LARP1B: variants seen among roughly 807,000 people sequenced by gnomAD.
LARP1B encodes La ribonucleoprotein 1B, also known as la-related protein 1B.
A neutral mutation model predicts 114.2 loss-of-function variants in LARP1B; 76 were observed. The observed-to-expected ratio is 0.67, with a 90% CI of 0.55 to 0.81. The LOEUF (loss-of-function observed/expected upper bound fraction) is 0.81. LARP1B is among the 30% of genes least tolerant of loss of function. The pLI, the probability that LARP1B is intolerant of heterozygous loss-of-function variation, is 0.00. For missense variants in LARP1B, 1,014 were observed against 1,075.8 expected, an observed-to-expected ratio of 0.94 and a Z score of 0.80; for synonymous variants, 345 against 348.0, an observed-to-expected ratio of 0.99 and a Z score of 0.10.
intron 15 of LARP1B, among the ~76,000 whole-genome samples, chr4:128,187,496 C>T (rs536566454): frequency 5.9e-4 from 90 of 152,290 alleles, no homozygotes; most frequent in Non-Finnish European, 1.1e-3. Context: ...GTGTATTTAC[C>T]CAAGGCCTAT....
At chr4:128,212,993 A>G (rs1247214965), downstream of LARP1B, among the ~76,000 whole-genome samples, 1 of 130,722 alleles carries the variant, frequency 7.6e-6, no homozygotes, top group Non-Finnish European at 1.5e-5. Context: ...ATCTCGTCTC[A>G]CTGCAACTTC....
chr4:128,122,279 A>C, intron 11 of LARP1B, 91 bp downstream of exon 11: 1 of 1,540,178 alleles, frequency 6.5e-7, no homozygotes. Flanking sequence ...GCTCTATTTT[A>C]TGAAATGTTG....
At chr4:128,176,181 T>A (rs1745915124) in intron 12 of LARP1B, among the ~76,000 whole-genome samples, 1 of 143,436 alleles carries the variant, frequency 7.0e-6, no homozygotes, top group Admixed American at 7.2e-5. Context: ...TATATATAAA[T>A]ATATAAATAT....
chr4:128,200,451 A>G (rs1354182035), intron 16 of LARP1B, 70 bp from the exon 17 acceptor site: 3 of 991,972 alleles, frequency 3.0e-6, no homozygotes. Flanking sequence ...TTCATTTTAT[A>G]TATAACATCT....
chr4:128,069,341 T>A (rs1764292467), intron 1 of LARP1B: 1 of 779,228 alleles, frequency 1.3e-6, no homozygotes, highest in Admixed American at 1.7e-5. Context: ...ACTGAAGACT[T>A]TGAGCAAACT....
chr4:128,175,142 A>T (rs1196979386), intron 12 of LARP1B, among the ~76,000 whole-genome samples: 1 of 152,146 alleles, frequency 6.6e-6, no homozygotes, highest in African/African-American at 2.4e-5. Flanking sequence ...TATCTTCTTC[A>T]TATCATTTAG....
chr4:128,081,555 T>G (rs578040884), intron 4 of LARP1B, among the ~76,000 whole-genome samples: 1 of 151,998 alleles, frequency 6.6e-6, no homozygotes, highest in Non-Finnish European at 1.5e-5. Flanking sequence ...AGTTGTGTGT[T>G]TGGGATTTTT....
At position 128,207,303 on chromosome 4, in the gene LARP1B, C is replaced by A; in HGVS notation, c.2467C>A (p.Gln823Lys). 1.3e-6 allele frequency: 2 copies of A among 1,539,356 alleles called. No homozygotes were observed. Among genetic ancestry groups the A allele is most frequent in the South Asian group, 1.3e-5 (1 of 77,762 alleles). ...GTTTTGGGCTTATTTGAAATATTCT[C>A]AATCTAAGACACAGTCTATTGACCC... is the stretch of plus-strand genomic sequence containing the variant. Reference protein sequence around the residue: ...EKFWAYLKYSQSKTQSIDPKL... With the variant: ...EKFWAYLKYSKSKTQSIDPKL... The change falls in exon 19 of 20, where the codon CAA becomes AAA. Residue 823 changes from glutamine to lysine, a missense_variant. Physicochemically the swap from Gln to Lys is moderately conservative, Grantham distance 53. Transcript: ENST00000326639.
At chr4:128,067,232 A>G (rs148459815) in intron 1 of LARP1B, among the ~76,000 whole-genome samples, 28 of 152,294 alleles carry the variant, frequency 1.8e-4, no homozygotes, top group African/African-American at 6.7e-4. Flanking sequence ...TATAATTTAT[A>G]CTATATAAAT....
At chr4:128,070,181 G>C (rs993521509) in intron 1 of LARP1B, among the ~76,000 whole-genome samples, 4 of 152,046 alleles carry the variant, frequency 2.6e-5, no homozygotes, top group Non-Finnish European at 5.9e-5. Flanking sequence ...TTAGCTGGGC[G>C]TGGTGGCAGG....
At chr4:128,140,618 GGTA>G (rs1271453133) in intron 11 of LARP1B, among the ~76,000 whole-genome samples, 2 of 152,054 alleles carry the variant, frequency 1.3e-5, no homozygotes, top group East Asian at 3.8e-4. Context: ...TTGTGTTTCT[GGTA>G]GTTGTTACAT....
At chr4:128,120,213 C>T (rs1010264237) in intron 10 of LARP1B, among the ~76,000 whole-genome samples, 5 of 151,826 alleles carry the variant, frequency 3.3e-5, no homozygotes, top group Non-Finnish European at 7.4e-5. Context: ...AGATAGTTAT[C>T]GACTAAATGA....
chr4:128,206,659 A>G (rs559045733), intron 18 of LARP1B, 122 bp downstream of exon 18: 70 of 1,403,822 alleles, frequency 5.0e-5, no homozygotes, highest in African/African-American at 8.7e-5. Flanking sequence ...TCTTCATGCT[A>G]TTGTTGTGTT....
intron 7 of LARP1B, chr4:128,092,970 C>T (rs937475887): frequency 1.0e-6 from 1 of 985,274 alleles, no homozygotes; most frequent in South Asian, 4.7e-5. Flanking sequence ...GAGGGAGGAG[C>T]AGAGCTACTT....
chr4:128,136,744 T>G (rs1411624975), intron 11 of LARP1B, among the ~76,000 whole-genome samples: 2 of 152,222 alleles, frequency 1.3e-5, no homozygotes, highest in Non-Finnish European at 2.9e-5. Flanking sequence ...ATTAGTGGAA[T>G]TAAACTGGTG....
chr4:128,135,682 G>GT (rs1554034774), intron 11 of LARP1B, among the ~76,000 whole-genome samples: 3 of 152,178 alleles, frequency 2.0e-5, no homozygotes, highest in African/African-American at 7.2e-5. Context: ...CTCAGTCGAA[G>GT]TATGTTTCCA....
chr4:128,220,320 T>A (rs1303635033), intron 6 of LARP1B: 2 of 858,282 alleles, frequency 2.3e-6, no homozygotes, highest in East Asian at 2.4e-4. Context: ...TCTTGGCTTT[T>A]ATGTAACTAT....
Position 128,062,810 on chromosome 4 carries a change from TGTTAAATGACGA to T in LARP1B, c.-78+1413_-78+1424del, listed in dbSNP as rs1284990865. Among the ~76,000 whole-genome samples, 4 of 151,790 alleles carry T rather than the reference TGTTAAATGACGA, an allele frequency of 2.6e-5. No individual in the cohort carries two copies. The East Asian group carries it at 7.8e-4, about 30-fold the overall frequency. On this transcript the variant is annotated intron_variant, in intron 1 of 19. Transcript: ENST00000326639. ...GGATAGCATTAGGAGATATACCTAA[TGTTAAATGACGA>T]GTTGATGGGTGCAGCACACCAACAT...
intron 11 of LARP1B, among the ~76,000 whole-genome samples, chr4:128,145,607 C>A (rs955278829): frequency 1.3e-5 from 2 of 152,164 alleles, no homozygotes; most frequent in African/African-American, 4.8e-5. Context: ...CCACAGGTTC[C>A]ACTGCTTCAA....
Sources: allele counts gnomAD v4.1 joint callset (sites outside exome capture counted in the v4.1 genomes callset), GRCh38; gene constraint gnomAD v4.1.1; transcripts MANE v1.5; gene names NCBI Gene and HGNC (gene_info 2026-07-23, HGNC 2026-07-21).